The following WTIP variants were observed in gnomAD, a reference collection of about 807,000 sequenced individuals.
WTIP encodes WT1 interacting protein.
A neutral mutation model predicts 41.7 loss-of-function variants in WTIP; 23 were observed. The ratio of observed to expected loss-of-function variants is 0.55; its 90% CI spans 0.40 to 0.78. WTIP has a LOEUF of 0.78. WTIP is among the 30% of genes least tolerant of loss of function. The pLI, the probability that WTIP is intolerant of heterozygous loss-of-function variation, is 0.00. For missense variants in WTIP, 619 were observed against 610.5 expected, an observed-to-expected ratio of 1.01 and a Z score of -0.15; for synonymous variants, 314 against 269.9, an observed-to-expected ratio of 1.16 and a Z score of -1.60.
chr19:34,499,519 A>G (rs1016388338), intron 7 of WTIP, among the ~76,000 whole-genome samples: 3 of 152,080 alleles, frequency 2.0e-5, no homozygotes, highest in Admixed American at 1.3e-4. Context: ...AACAACAACA[A>G]ACGAATAAAC....
At chr19:34,491,226 C>A (rs1314053071) in intron 2 of WTIP, among the ~76,000 whole-genome samples, 1 of 152,146 alleles carries the variant, frequency 6.6e-6, no homozygotes, top group African/African-American at 2.4e-5. Flanking sequence ...GAACTATAAT[C>A]CAACCACCCT....
intron 7 of WTIP, among the ~76,000 whole-genome samples, chr19:34,497,960 G>A (rs1452282991): frequency 1.3e-5 from 2 of 152,194 alleles, no homozygotes; most frequent in Non-Finnish European, 2.9e-5. Flanking sequence ...GCGGCTGGTG[G>A]TGGTGCTGTG....
At chr19:34,487,983 C>T (rs1204756376) in intron 1 of WTIP, among the ~76,000 whole-genome samples, 3 of 152,222 alleles carry the variant, frequency 2.0e-5, no homozygotes, top group Admixed American at 6.5e-5. Context: ...TCCACCTTCC[C>T]CGCTGCATGC....
At position 34,508,896 on chromosome 19, in the gene WTIP, TATGACTCCCAC is replaced by T. The variant is rs1350282986; in HGVS notation, c.*8632_*8642del. ...TTGCCCTCCTTTTCAAAAAAGTAAGTATGACTCCCACATGAAAATTTTCTTCTACAACACGA... is the reference window on the plus strand; with the variant it reads ...TTGCCCTCCTTTTCAAAAAAGTAAGTATGAAAATTTTCTTCTACAACACGA... On this transcript the variant is annotated 3_prime_UTR_variant, in exon 8 of 8. Transcript: ENST00000590071. 3.3e-5 allele frequency: 5 copies of T among 152,262 alleles called. No homozygotes were observed. The highest frequency in any genetic ancestry group is 2.6e-4 in the Admixed American group (4 of 15,286). The allele number at this position is 152,262 out of a possible 1,614,324, so 9.4% of individuals were successfully genotyped here.
At position 34,482,365 on chromosome 19, in the gene WTIP, G is replaced by A. The variant is rs1425063762; in HGVS notation, c.391G>A (p.Gly131Ser). The A allele has an allele frequency of 2.2e-6, 3 of 1,371,282 alleles. No individual in the cohort carries two copies. Among genetic ancestry groups the A allele is most frequent in the Admixed American group, 3.0e-5 (1 of 33,814 alleles). The allele number at this position is 1,371,282 out of a possible 1,614,324, so 84.9% of individuals were successfully genotyped here. Reference protein sequence around the residue: ...PRSGRSDPRPGPGPPSVGSAR... With the variant: ...PRSGRSDPRPSPGPPSVGSAR... ...CTCCGGTCGCTCGGACCCGCGTCCC[G>A]GTCCCGGGCCGCCTTCGGTGGGCAG... Residue 131 changes from glycine to serine, a missense_variant, in exon 1 of 8, where the codon GGT becomes AGT. Transcript: ENST00000590071.
chr19:34,483,495 T>G (rs1599950576), intron 1 of WTIP, among the ~76,000 whole-genome samples: 1 of 152,084 alleles, frequency 6.6e-6, no homozygotes, highest in South Asian at 2.1e-4. Flanking sequence ...CAGGCTTTGG[T>G]GATGGTAGCG....
chr19:34,493,524 A>T lies in WTIP; in HGVS notation c.933A>T (p.Pro311=), dbSNP rs750975815. 6.2e-7 allele frequency: 1 copy of T among 1,613,534 alleles called. No individual in the cohort carries two copies. The highest frequency in any genetic ancestry group is 1.3e-5 in the African/African-American group (1 of 74,914). The stretch of plus-strand genomic sequence containing the variant: ...AGGCCCTGGGCAAGTCCTACCACCC[A>T]GGCTGCTTCCGGTGCTCCGTGTGCA... The part of the protein sequence containing the change: ...ILQALGKSYH[P]GCFRCSVCNE... Residue 311 remains proline (P), a synonymous_variant, in exon 5 of 8, where the codon CCA becomes CCT. Coordinates refer to ENST00000590071, the MANE Select transcript of WTIP (RefSeq NM_001080436.2). This position sits in a 1 kb window ranked among gnomAD's most constrained non-coding sequence, Gnocchi z 4.1.
Position 34,503,429 on chromosome 19 carries a change from A to G in WTIP, c.*3160A>G, listed in dbSNP as rs534351065. The G allele has an allele frequency of 6.6e-6, 1 of 152,450 alleles. No individual in the cohort carries two copies. Among genetic ancestry groups the G allele is most frequent in the South Asian group, 2.1e-4 (1 of 4,830 alleles). The allele number at this position is 152,450 out of a possible 1,614,324, so 9.4% of individuals were successfully genotyped here. On this transcript the variant is annotated 3_prime_UTR_variant, in exon 8 of 8. Coordinates refer to ENST00000590071, the MANE Select transcript of WTIP (RefSeq NM_001080436.2). ...CTCTGCTCTCCAAGCTCATTTGCCAACAGCAGTATCTCCATTTCATGCCCA... is the reference window on the plus strand; with the variant it reads ...CTCTGCTCTCCAAGCTCATTTGCCAGCAGCAGTATCTCCATTTCATGCCCA...
chr19:34,482,374 C>A lies in WTIP; in HGVS notation c.400C>A (p.Pro134Thr). ...GRSDPRPGPG[P>T]PSVGSARSSV... ...CTCGGACCCGCGTCCCGGTCCCGGG[C>A]CGCCTTCGGTGGGCAGCGCCCGCTC... Residue 134 changes from proline to threonine, a missense_variant, in exon 1 of 8, where the codon CCG becomes ACG. Coordinates refer to ENST00000590071, the MANE Select transcript of WTIP (RefSeq NM_001080436.2). 1 of 1,373,732 alleles carries A rather than the reference C, an allele frequency of 7.3e-7. No homozygotes were observed. The highest frequency in any genetic ancestry group is 9.4e-7 in the Non-Finnish European group (1 of 1,060,724). 85.1% of individuals were successfully genotyped at this position (1,373,732 alleles called of 1,614,324 possible).
intron 1 of WTIP, among the ~76,000 whole-genome samples, chr19:34,487,567 G>A (rs891316430): frequency 6.6e-6 from 1 of 152,142 alleles, no homozygotes; most frequent in African/African-American, 2.4e-5. Context: ...AGGAAGAGGT[G>A]GGCCACCCGA....
rs1341437873 is a variant in WTIP at position 34,506,368 on chromosome 19, G to A, written c.*6099G>A. The A allele has an allele frequency of 6.6e-6, 1 of 152,304 alleles. No homozygotes were observed. Among genetic ancestry groups the A allele is most frequent in the East Asian group, 1.9e-4 (1 of 5,188 alleles). 9.4% of individuals were successfully genotyped at this position (152,304 alleles called of 1,614,324 possible). On this transcript the variant is annotated 3_prime_UTR_variant, in exon 8 of 8. Transcript: ENST00000590071. ...CGGCTCTTTCACTTCTTGCAAGTTGGTGAAAACAGACTCTTCCAGGGAATT... is the reference window on the plus strand; with the variant it reads ...CGGCTCTTTCACTTCTTGCAAGTTGATGAAAACAGACTCTTCCAGGGAATT...
rs547338170 is a variant in WTIP at position 34,512,073 on chromosome 19, G to A, written c.*11804G>A. 1 of 152,166 alleles carries A rather than the reference G, an allele frequency of 6.6e-6. No individual in the cohort carries two copies. Among genetic ancestry groups the A allele is most frequent in the Non-Finnish European group, 1.5e-5 (1 of 68,004 alleles). The allele number at this position is 152,166 out of a possible 1,614,324, so 9.4% of individuals were successfully genotyped here. On this transcript the variant is annotated 3_prime_UTR_variant, in exon 8 of 8. Transcript: ENST00000590071. ...GCTTTATGGATTAGGGTCTTCAGAA[G>A]CCTTACTTGTTTTTCTGGCTCTATT...
intron 7 of WTIP, among the ~76,000 whole-genome samples, chr19:34,497,201 T>G (rs1054280500): frequency 6.6e-6 from 1 of 152,114 alleles, no homozygotes; most frequent in African/African-American, 2.4e-5. Context: ...TCCAGTTGCC[T>G]TGGCCTCCCC....
intron 2 of WTIP, 141 bp downstream of exon 2, chr19:34,490,618 T>A: frequency 1.1e-6 from 1 of 921,262 alleles, no homozygotes; most frequent in Non-Finnish European, 1.7e-6. Context: ...GGACTCTGTC[T>A]GGGGAGGAGG....
chr19:34,493,686 A>AC lies in WTIP; in HGVS notation c.1031+64_1031+65insC. On this transcript the variant is annotated intron_variant, in intron 5 of 7. Transcript: ENST00000590071. The surrounding 1 kb of genome is among the most constrained non-coding windows in gnomAD (Gnocchi z 4.1). ...CGTCCTCCCTGGCTCCTCTGGAAGC[A>AC]TTTTTTTCCTGCTGGACTGACTGCC... The AC allele has an allele frequency of 6.2e-7, 1 of 1,603,186 alleles. No homozygotes were observed. Among genetic ancestry groups the AC allele is most frequent in the African/African-American group, 1.3e-5 (1 of 74,812 alleles).
intron 1 of WTIP, among the ~76,000 whole-genome samples, chr19:34,484,358 C>T (rs773833715): frequency 2.0e-5 from 3 of 152,150 alleles, no homozygotes; most frequent in Non-Finnish European, 4.4e-5. Context: ...GGGGTTGCAG[C>T]CCAGAGGGCT....
chr19:34,496,577 T>A (rs1370558680), intron 7 of WTIP, among the ~76,000 whole-genome samples: 1 of 150,342 alleles, frequency 6.7e-6, no homozygotes, highest in Admixed American at 6.6e-5. Flanking sequence ...GCTGGAGGAG[T>A]CAGGGTTGGG....
In WTIP at chr19:34,505,261, C is replaced by T. The variant is rs1286001521; in HGVS notation, c.*4992C>T. ...GGTTCCTAGTCCCTGGCCGGATACCCCAGGGTGGCCTGGGATCCTGGAGAG... is the reference window on the plus strand; with the variant it reads ...GGTTCCTAGTCCCTGGCCGGATACCTCAGGGTGGCCTGGGATCCTGGAGAG... On this transcript the variant is annotated 3_prime_UTR_variant, in exon 8 of 8. Transcript: ENST00000590071. 3.3e-5 allele frequency: 5 copies of T among 152,254 alleles called. No homozygotes were observed. Among genetic ancestry groups the T allele is most frequent in the African/African-American group, 7.2e-5 (3 of 41,404 alleles). 9.4% of individuals were successfully genotyped at this position (152,254 alleles called of 1,614,324 possible).
chr19:34,496,026 G>A (rs575280907), intron 7 of WTIP, among the ~76,000 whole-genome samples: 33 of 152,178 alleles, frequency 2.2e-4, no homozygotes, highest in Middle Eastern at 3.4e-3. Flanking sequence ...GCGTGGTGGC[G>A]GGCACCTGTA....
Sources: gnomAD v4.1 joint callset for allele counts (sites outside exome capture counted in the v4.1 genomes callset) on GRCh38, gnomAD v4.1.1 for gene constraint, Gnocchi (gnomAD v3.1) non-coding constraint, MANE v1.5 for transcripts, NCBI Gene and HGNC (gene_info 2026-07-23, HGNC 2026-07-21) for gene names.